The following TBC1D7 variants were observed in gnomAD, a reference collection of about 807,000 sequenced individuals.
TBC1D7 encodes the protein TBC1 domain family member 7, also known as TBC domain family 7.
TBC1D7 carries 33 observed loss-of-function variants against 35.3 expected under a neutral mutation model. The observed-to-expected ratio is 0.93, with a 90% CI of 0.71 to 1.25. TBC1D7 has a LOEUF of 1.25. TBC1D7 is among the 50% of genes most tolerant of loss of function. The pLI is 0.00. For missense variants in TBC1D7, 362 were observed against 365.3 expected, an observed-to-expected ratio of 0.99 and a Z score of 0.07; for synonymous variants, 135 against 129.5, an observed-to-expected ratio of 1.04 and a Z score of -0.29.
At chr6:13,311,755 GA>G (rs556161677) in intron 5 of TBC1D7, among the ~76,000 whole-genome samples, 84 of 151,956 alleles carry the variant, frequency 5.5e-4, no homozygotes, top group Non-Finnish European at 1.1e-3. Flanking sequence ...ATTCATTTCT[GA>G]AAAGAAAAAG....
chr6:13,307,625 A>G lies in TBC1D7; in HGVS notation c.640T>C (p.Cys214Arg). ...CTCTGTAAACTGGATTCAGGCAAAC[A>G]TCCCGCAAAGCACCTCTTGAACCAG... ...DLWFKRCFAG[C>R]LPESSLQRVW... The change falls in exon 6 of 8, where the codon TGT (cysteine) becomes CGT (arginine). Residue 214 changes from cysteine to arginine, a missense_variant. Cys to Arg is a radical substitution (Grantham distance 180). Coordinates refer to ENST00000379300, the MANE Select transcript of TBC1D7 (RefSeq NM_016495.6). 2 of 1,614,184 alleles carry G rather than the reference A, an allele frequency of 1.2e-6. No individual in the cohort carries two copies. The highest frequency in any genetic ancestry group is 2.2e-5 in the South Asian group (2 of 91,086).
intron 3 of TBC1D7, among the ~76,000 whole-genome samples, chr6:13,324,315 GA>G (rs1455668067): frequency 1.3e-5 from 2 of 152,112 alleles, no homozygotes; most frequent in Non-Finnish European, 1.5e-5. Flanking sequence ...TTTTAGTAGA[GA>G]GGGGGTTTCA....
chr6:13,327,229 A>G (rs951837916), intron 1 of TBC1D7, among the ~76,000 whole-genome samples: 8 of 152,186 alleles, frequency 5.3e-5, no homozygotes, highest in African/African-American at 1.9e-4. Context: ...AGCTATTATA[A>G]ATGCGCAAAG....
intron 3 of TBC1D7, among the ~76,000 whole-genome samples, 165 bp downstream of exon 3, chr6:13,324,929 A>G (rs1052376048): frequency 1.3e-5 from 2 of 152,262 alleles, no homozygotes; most frequent in South Asian, 4.1e-4. Flanking sequence ...CTATAGTATC[A>G]TTAATAGAAC....
At chr6:13,324,775 GT>G (rs1190551035) in intron 3 of TBC1D7, among the ~76,000 whole-genome samples, 8 of 152,162 alleles carry the variant, frequency 5.3e-5, no homozygotes, top group African/African-American at 1.9e-4. Flanking sequence ...AAAAGCTTCA[GT>G]TTATAGATGC....
chr6:13,307,563 G>A (rs759582820), intron 6 of TBC1D7, 37 bp downstream of exon 6: 9 of 1,609,562 alleles, frequency 5.6e-6, no homozygotes, highest in South Asian at 4.4e-5. Flanking sequence ...CTGCTCTAAC[G>A]CCAAGCCTTC....
intron 3 of TBC1D7, among the ~76,000 whole-genome samples, chr6:13,324,166 C>G (rs899218341): frequency 6.6e-6 from 1 of 150,982 alleles, no homozygotes; most frequent in Non-Finnish European, 1.5e-5. Context: ...CTCGCTCTGT[C>G]GCCCAGGCTG....
chr6:13,315,734 A>AACAAAATATGTGT (rs1238981414), intron 5 of TBC1D7, among the ~76,000 whole-genome samples: 1 of 152,234 alleles, frequency 6.6e-6, no homozygotes. Flanking sequence ...CAAAAATGGA[A>AACAAAATATGTGT]ACAAAATATG....
chr6:13,323,793 C>T (rs1784216745), intron 3 of TBC1D7: 1 of 152,210 alleles, frequency 6.6e-6, no homozygotes, highest in South Asian at 2.1e-4. Context: ...AAAGATACTA[C>T]ATTTTGGAAA....
In TBC1D7 at chr6:13,313,231, A is replaced by AACTCTT. The variant is rs376413186; in HGVS notation, c.519+3334_519+3339dup. 5.8e-3 allele frequency among the ~76,000 whole-genome samples: 885 copies of AACTCTT among 152,302 alleles called. 9 individuals carry two copies. Among genetic ancestry groups the AACTCTT allele is most frequent in the African/African-American group, 0.02 (847 of 41,562 alleles). The stretch of plus-strand genomic sequence containing the variant: ...GATCCAAGAGTGACTATATACCAAT[A>AACTCTT]ACTCTTACAAAGAAAAAAAGTCAAC... On this transcript the variant is annotated intron_variant, in intron 5 of 7. Transcript: ENST00000379300.
At chr6:13,325,654 CTG>C (rs776615043) in intron 2 of TBC1D7, among the ~76,000 whole-genome samples, 34 of 152,326 alleles carry the variant, frequency 2.2e-4, no homozygotes, top group South Asian at 2.1e-3. Flanking sequence ...GAGTGAGACT[CTG>C]TGTTAAAAAT....
chr6:13,316,711 G>C lies in TBC1D7; in HGVS notation c.382-3C>G. On this transcript the variant is annotated splice_region_variant and splice_polypyrimidine_tract_variant and intron_variant, in intron 4 of 7. Transcript: ENST00000379300. ...AGAAACACTTCATCATCTGGCTCCT[G>C]AAAGATTAATAATAAATCTCAAGAG... is the stretch of plus-strand genomic sequence containing the variant. 3 of 1,613,346 alleles carry C rather than the reference G, an allele frequency of 1.9e-6. No homozygotes were observed. Among genetic ancestry groups the C allele is most frequent in the Non-Finnish European group, 2.5e-6 (3 of 1,179,758 alleles).
In TBC1D7 at chr6:13,305,174, C is replaced by G. The variant is rs1275339432; in HGVS notation, c.809G>C (p.Ser270Thr). The G allele has an allele frequency of 6.2e-7, 1 of 1,614,166 alleles. No homozygotes were observed. The highest frequency in any genetic ancestry group is 8.5e-7 in the Non-Finnish European group (1 of 1,180,018). Residue 270 changes from serine to threonine, a missense_variant, in exon 8 of 8, where the codon AGC becomes ACC. Transcript: ENST00000379300. The stretch of plus-strand genomic sequence containing the variant: ...GGCCTTGCTCACGATCGCGTCTGAG[C>G]TGTCCTGGGGAATCTGTGGGCAAGC... Reference protein sequence around the residue: ...TKFLENIPQDSSDAIVSKAID... With the variant: ...TKFLENIPQDTSDAIVSKAID...
intron 4 of TBC1D7, chr6:13,320,611 T>A (rs1783964495): frequency 3.4e-6 from 2 of 591,924 alleles, no homozygotes; most frequent in Non-Finnish European, 6.0e-6. Flanking sequence ...AGTTGCATAA[T>A]GTTAACAACT....
At chr6:13,305,328 A>G (rs1782736610) in intron 7 of TBC1D7, 141 bp from the exon 8 acceptor site, 2 of 783,888 alleles carry the variant, frequency 2.6e-6, no homozygotes, top group Non-Finnish European at 2.1e-6. Flanking sequence ...GACTTGCGTC[A>G]CATGCTACCT....
chr6:13,310,438 G>C (rs1407039205), intron 5 of TBC1D7, among the ~76,000 whole-genome samples: 1 of 151,970 alleles, frequency 6.6e-6, no homozygotes, highest in Non-Finnish European at 1.5e-5. Flanking sequence ...AGGAGTTTGA[G>C]ACCAGCCTGG....
intron 4 of TBC1D7, among the ~76,000 whole-genome samples, chr6:13,316,941 A>G (rs936039138): frequency 9.8e-5 from 15 of 152,326 alleles, no homozygotes; most frequent in South Asian, 6.2e-4. Flanking sequence ...GGCTGAGTGT[A>G]CAGACACTCC....
chr6:13,310,801 G>GCTTACAGTAGTA (rs1305477199), intron 5 of TBC1D7, among the ~76,000 whole-genome samples: 1 of 152,156 alleles, frequency 6.6e-6, no homozygotes, highest in Non-Finnish European at 1.5e-5. Flanking sequence ...GTATGCTACT[G>GCTTACAGTAGTA]CTTCATCTAA....
At chr6:13,314,774 C>T (rs1783484811) in intron 5 of TBC1D7, among the ~76,000 whole-genome samples, 1 of 152,170 alleles carries the variant, frequency 6.6e-6, no homozygotes, top group African/African-American at 2.4e-5. Context: ...CAGTGCCCCG[C>T]ATCTCATCTT....
Sources: gnomAD v4.1 joint callset for allele counts (sites outside exome capture counted in the v4.1 genomes callset) on GRCh38, gnomAD v4.1.1 for gene constraint, MANE v1.5 for transcripts, NCBI Gene and HGNC (gene_info 2026-07-23, HGNC 2026-07-21) for gene names.